Variants in TLE6 observed in about 807,000 individuals in gnomAD.
TLE6 encodes TLE family member 6, subcortical maternal complex member, also known as transducin-like enhancer protein 6.
A neutral mutation model predicts 77.1 loss-of-function variants in TLE6; 72 were observed. That is an observed-to-expected ratio of 0.93 (90% CI 0.77 to 1.14). The LOEUF (loss-of-function observed/expected upper bound fraction) is 1.14. TLE6 is among the 50% of genes most tolerant of loss of function. The pLI is 0.00. For synonymous variants in TLE6, 366 were observed against 287.3 expected, an observed-to-expected ratio of 1.27 and a Z score of -2.77; for missense variants, 843 against 747.6, an observed-to-expected ratio of 1.13 and a Z score of -1.49.
At position 2,987,768 on chromosome 19, in the gene TLE6, CCCA is replaced by C. The variant is rs1171186868; in HGVS notation, c.604_606del (p.Pro202del). On this transcript the variant is annotated inframe_deletion, in exon 9 of 17. Transcript: ENST00000246112. ...CAGGATCCTGTGACCCAGGAACAGACCCATGTCCTGAAGATGCCTCCAGTAATC... is the reference window on the plus strand; with the variant it reads ...CAGGATCCTGTGACCCAGGAACAGACTGTCCTGAAGATGCCTCCAGTAATC... 22 of 1,614,068 alleles carry C rather than the reference CCCA, an allele frequency of 1.4e-5. No individual in the cohort carries two copies. The highest frequency in any genetic ancestry group is 1.9e-5 in the Non-Finnish European group (22 of 1,180,030).
rs541118460 is a variant in TLE6, at chr19:2,994,069, A to T, written c.1588A>T (p.Met530Leu). Residue 530 changes from methionine (M) to leucine (L), a missense_variant, in exon 16 of 17, where the codon ATG (methionine) becomes TTG (leucine). Met to Leu is a conservative substitution (Grantham distance 15, BLOSUM62 2). Transcript: ENST00000246112. ...GMDDFLGVYS[M>L]PAGTKVFEVP... ...GGACGACTTCCTTGGCGTCTACAGC[A>T]TGCCGGCGGGGACAAAAGTGTTCGA... 2.5e-6 allele frequency: 4 copies of T among 1,607,742 alleles called. No homozygotes were observed. The African/African-American group carries it at 5.3e-5, about 21-fold the overall frequency.
chr19:2,980,238 C>T (rs1568208039), intron 3 of TLE6, 56 bp downstream of exon 3: 1 of 1,457,238 alleles, frequency 6.9e-7, no homozygotes, highest in Admixed American at 2.0e-5. Flanking sequence ...CCCACCTGGC[C>T]TCTCTCCCGG....
chr19:2,980,031 G>C (rs1348787418), intron 2 of TLE6, 69 bp from the exon 3 acceptor site: 1 of 1,264,652 alleles, frequency 7.9e-7, no homozygotes, highest in Non-Finnish European at 1.1e-6. Flanking sequence ...GCCATGTTGA[G>C]GTGGAGACCG....
chr19:2,985,117 G>GC (rs1878134469), intron 5 of TLE6, among the ~76,000 whole-genome samples: 2 of 151,830 alleles, frequency 1.3e-5, no homozygotes, highest in African/African-American at 4.8e-5. Context: ...GGGCATGGTG[G>GC]CGGGTGCCTG....
intron 16 of TLE6, 69 bp downstream of exon 16, chr19:2,994,164 G>C (rs1326870788): frequency 7.4e-7 from 1 of 1,355,218 alleles, no homozygotes; most frequent in Non-Finnish European, 1.0e-6. Context: ...AACACAGCAA[G>C]ACCCTGTCTC....
At chr19:2,989,830 C>T (rs758943544) in intron 13 of TLE6, 45 bp downstream of exon 13, 2 of 1,602,186 alleles carry the variant, frequency 1.2e-6, no homozygotes, top group East Asian at 4.5e-5. Context: ...TGCCAGCCTC[C>T]TGTGGCCACC....
chr19:2,979,174 G>A (rs568456415), intron 2 of TLE6, among the ~76,000 whole-genome samples: 1 of 151,952 alleles, frequency 6.6e-6, no homozygotes, highest in South Asian at 2.1e-4. Flanking sequence ...GGCTGGTCTC[G>A]AGCTCCTGAC....
chr19:2,992,009 C>T lies in TLE6; in HGVS notation c.1386+25C>T, dbSNP rs771237778. ...GGTGCGGAGGCCGGGATGGGGTCTG[C>T]TTGGCCAGGCATCCTCTGGTCCTCA... On this transcript the variant is annotated intron_variant, in intron 14 of 16. Coordinates refer to ENST00000246112, the MANE Select transcript of TLE6 (RefSeq NM_001143986.2). The T allele has an allele frequency of 3.1e-6, 5 of 1,609,942 alleles. No individual in the cohort carries two copies. The East Asian group carries it at 6.7e-5, about 22-fold the overall frequency.
At chr19:2,980,319 C>T in intron 3 of TLE6, 137 bp downstream of exon 3, 1 of 599,798 alleles carries the variant, frequency 1.7e-6, no homozygotes, top group Non-Finnish European at 2.9e-6. Flanking sequence ...CATGCAGATA[C>T]CCAGCATGGA....
intron 3 of TLE6, 194 bp downstream of exon 3, chr19:2,980,376 A>C (rs761466978): frequency 2.4e-6 from 1 of 414,478 alleles, no homozygotes; most frequent in Non-Finnish European, 4.4e-6. Flanking sequence ...AAAATTACCA[A>C]CAAATATTAA....
chr19:2,994,150 G>C, intron 16 of TLE6, 55 bp downstream of exon 16: 1 of 1,456,554 alleles, frequency 6.9e-7, no homozygotes, highest in Non-Finnish European at 9.4e-7. Flanking sequence ...GGACCAGCCT[G>C]GGCAACACAG....
Position 2,989,810 on chromosome 19 carries a change from AAGC to A in TLE6, c.1244+27_1244+29del, listed in dbSNP as rs2089004507. 6.2e-6 allele frequency: 10 copies of A among 1,610,912 alleles called. 1 individual carries two copies. Among genetic ancestry groups the A allele is most frequent in the Non-Finnish European group, 7.6e-6 (9 of 1,177,940 alleles). ...GGTGCGTTTGGGGGGTGGGAAGGGG[AAGC>A]ATCCTGTGCCAGCCTCCTGTGGCCA... On this transcript the variant is annotated intron_variant, in intron 13 of 16. Coordinates refer to ENST00000246112, the MANE Select transcript of TLE6 (RefSeq NM_001143986.2).
intron 16 of TLE6, 25 bp downstream of exon 16, chr19:2,994,120 A>G (rs1439097271): frequency 1.3e-6 from 2 of 1,581,424 alleles, no homozygotes; most frequent in African/African-American, 2.7e-5. Flanking sequence ...TGGGGGCAGG[A>G]CCCGGGGGTG....
At chr19:2,981,744 G>C (rs2088802051) in intron 4 of TLE6, among the ~76,000 whole-genome samples, 161 bp downstream of exon 4, 2 of 152,132 alleles carry the variant, frequency 1.3e-5, no homozygotes, top group Non-Finnish European at 2.9e-5. Flanking sequence ...GGCGAGGCAG[G>C]TGGATCACCT....
At chr19:2,991,487 C>T (rs1408519501) in intron 13 of TLE6, among the ~76,000 whole-genome samples, 8 of 149,770 alleles carry the variant, frequency 5.3e-5, no homozygotes, top group East Asian at 2.0e-4. Context: ...TTGCAGGAAG[C>T]AATGGCTGAC....
chr19:2,991,741 G>C, intron 13 of TLE6, 102 bp from the exon 14 acceptor site: 3 of 1,161,076 alleles, frequency 2.6e-6, no homozygotes, highest in Non-Finnish European at 3.7e-6. Context: ...TTTTTGGGTG[G>C]TGGCACTGTC....
rs201015790 is a variant in TLE6 at position 2,989,636 on chromosome 19, G to T, written c.1095G>T (p.Ala365=). ...CCAGCGTGAGCGTGTGGGACCTGGC[G>T]GCGCCCTCCCTGCATGTGAAGGAGC... ...NLASVSVWDL[A]APSLHVKEQL... Residue 365 remains alanine (A), a synonymous_variant, in exon 13 of 17, where the codon GCG becomes GCT. Coordinates refer to ENST00000246112, the MANE Select transcript of TLE6 (RefSeq NM_001143986.2). 3.2e-5 allele frequency: 51 copies of T among 1,614,018 alleles called. No homozygotes were observed. Among genetic ancestry groups the T allele is most frequent in the Non-Finnish European group, 4.2e-5 (49 of 1,180,034 alleles).
intron 4 of TLE6, among the ~76,000 whole-genome samples, chr19:2,981,864 C>T (rs1259078385): frequency 1.3e-5 from 2 of 151,598 alleles, no homozygotes; most frequent in East Asian, 2.0e-4. Context: ...CCCAGCTACT[C>T]GGGAGGCTGA....
chr19:2,989,553 C>G lies in TLE6; in HGVS notation c.1012C>G (p.Arg338Gly). Residue 338 changes from arginine to glycine, a missense_variant, in exon 13 of 17, where the codon CGC becomes GGC. By Grantham distance (125) the Arg-to-Gly change is moderately radical. Transcript: ENST00000246112. ...ATCCCAGACCCCTGGGGCCTTCCTG[C>G]GCACCTGCCTGCTGTCCTCAAACAG... ...LPIQTPGAFL[R>G]TCLLSSNSRS... is the part of the protein sequence containing the mutation. 1 of 1,612,458 alleles carries G rather than the reference C, an allele frequency of 6.2e-7. No individual in the cohort carries two copies.
Sources: gnomAD v4.1 joint callset for allele counts (sites outside exome capture counted in the v4.1 genomes callset) on GRCh38, gnomAD v4.1.1 for gene constraint, MANE v1.5 for transcripts, NCBI Gene and HGNC (gene_info 2026-07-23, HGNC 2026-07-21) for gene names.